The following PDE1C variants were observed in gnomAD, a reference collection of about 807,000 sequenced individuals.
The protein encoded by PDE1C is phosphodiesterase 1C, also known as dual specificity calcium/calmodulin-dependent 3',5'-cyclic nucleotide phosphodiesterase 1C.
PDE1C carries 62 observed loss-of-function variants against 93.1 expected under a neutral mutation model. That is an observed-to-expected ratio of 0.67 (90% CI 0.54 to 0.82). PDE1C has a LOEUF of 0.82. Ranked by LOEUF, PDE1C falls within the 40% of genes least tolerant of loss-of-function variation. PDE1C has a pLI of 0.00. For missense variants in PDE1C, 742 were observed against 884.6 expected (o/e 0.84, Z 2.04); for synonymous variants, 325 against 310.1 (o/e 1.05, Z -0.50).
intron 1 of PDE1C, among the ~76,000 whole-genome samples, chr7:32,240,122 C>T (rs985990705): frequency 6.6e-6 from 1 of 152,168 alleles, no homozygotes; most frequent in Non-Finnish European, 1.5e-5. Flanking sequence ...CTGTTTGTTA[C>T]GGCAGCATAA....
intron 1 of PDE1C, among the ~76,000 whole-genome samples, chr7:32,226,877 GCCAAC>G (rs905044816): frequency 6.6e-6 from 1 of 152,144 alleles, no homozygotes; most frequent in African/African-American, 2.4e-5. Flanking sequence ...CAGCTCCCCA[GCCAAC>G]ACTGCAGCTC....
chr7:31,692,972 T>A, the PDE1C span, among the ~76,000 whole-genome samples: 1 of 152,226 alleles, frequency 6.6e-6, no homozygotes, highest in Non-Finnish European at 1.5e-5. Flanking sequence ...TTATTGTCAA[T>A]CTGTTTCCTT....
chr7:32,077,617 G>C (rs1449348646), intron 3 of PDE1C, among the ~76,000 whole-genome samples: 1 of 151,888 alleles, frequency 6.6e-6, no homozygotes, highest in Non-Finnish European at 1.5e-5. Flanking sequence ...TGTTGCCCAG[G>C]CTGGAGTGCA....
At chr7:32,219,274 C>T (rs1806661416) in intron 1 of PDE1C, among the ~76,000 whole-genome samples, 1 of 151,958 alleles carries the variant, frequency 6.6e-6, no homozygotes, top group Non-Finnish European at 1.5e-5. Flanking sequence ...TGGAGTCTGC[C>T]CAGGGAGAGG....
the PDE1C span, chr7:31,642,938 C>T: frequency 6.2e-7 from 1 of 1,614,030 alleles, no homozygotes; most frequent in Non-Finnish European, 8.5e-7. Flanking sequence ...CCAGACATGG[C>T]CTGTGCCAAG....
chr7:32,158,510 A>T (rs1801713570), intron 3 of PDE1C, among the ~76,000 whole-genome samples: 2 of 152,224 alleles, frequency 1.3e-5, no homozygotes, highest in African/African-American at 4.8e-5. Context: ...TACAGCATTT[A>T]GAAGGATGTA....
chr7:31,627,001 T>A, the PDE1C span, among the ~76,000 whole-genome samples: 1 of 152,262 alleles, frequency 6.6e-6, no homozygotes, highest in Non-Finnish European at 1.5e-5. Context: ...GCCTTATGAA[T>A]TATGTATGTC....
chr7:32,205,840 C>T (rs572504607), intron 2 of PDE1C, among the ~76,000 whole-genome samples: 1 of 152,296 alleles, frequency 6.6e-6, no homozygotes, highest in Non-Finnish European at 1.5e-5. Context: ...TCTGCAGCTT[C>T]ACCCCTGGAG....
At chr7:31,772,658 G>A (rs1189890051) in intron 17 of PDE1C, among the ~76,000 whole-genome samples, 1 of 152,098 alleles carries the variant, frequency 6.6e-6, no homozygotes, top group Non-Finnish European at 1.5e-5. Context: ...CAACCATCTT[G>A]ACCGGAATTC....
At chr7:32,079,923 A>C (rs1245124647) in intron 3 of PDE1C, among the ~76,000 whole-genome samples, 1 of 152,174 alleles carries the variant, frequency 6.6e-6, no homozygotes, top group Non-Finnish European at 1.5e-5. Flanking sequence ...AGATACTTGC[A>C]GCCATCTTTA....
intron 1 of PDE1C, among the ~76,000 whole-genome samples, chr7:32,244,319 A>C (rs1808757340): frequency 6.6e-6 from 1 of 152,208 alleles, no homozygotes. Context: ...ACAAGAGCCC[A>C]GACTGGTTCT....
intron 2 of PDE1C, among the ~76,000 whole-genome samples, chr7:31,996,248 G>A (rs1030678853): frequency 4.6e-5 from 7 of 152,060 alleles, no homozygotes; most frequent in Non-Finnish European, 7.4e-5. Context: ...CCTGGATGGA[G>A]CAAAGTTTTC....
chr7:31,837,325 C>T (rs1791243433), intron 10 of PDE1C, 25 bp from the exon 11 acceptor site: 2 of 1,589,968 alleles, frequency 1.3e-6, no homozygotes, highest in Non-Finnish European at 1.7e-6. Context: ...CACCCAAACA[C>T]ATGATAACCA....
intron 3 of PDE1C, among the ~76,000 whole-genome samples, chr7:32,137,793 C>T (rs1410389045): frequency 6.6e-6 from 1 of 152,140 alleles, no homozygotes; most frequent in Non-Finnish European, 1.5e-5. Flanking sequence ...TTCAATTCCC[C>T]ATCCCCTCCT....
chr7:31,644,133 C>T, the PDE1C span, among the ~76,000 whole-genome samples: 1 of 152,110 alleles, frequency 6.6e-6, no homozygotes, highest in African/African-American at 2.4e-5. Context: ...CATTTCTTCT[C>T]GATACTTCCA....
intron 3 of PDE1C, among the ~76,000 whole-genome samples, chr7:32,130,649 T>G (rs963197446): frequency 3.3e-5 from 5 of 152,072 alleles, no homozygotes; most frequent in African/African-American, 1.2e-4. Context: ...ACTCTTCTTG[T>G]CCCTGTAGTA....
intron 2 of PDE1C, among the ~76,000 whole-genome samples, chr7:32,207,992 T>C (rs1805725218): frequency 6.6e-6 from 1 of 152,180 alleles, no homozygotes; most frequent in South Asian, 2.1e-4. Flanking sequence ...AAAAATGGGA[T>C]AAAAGCATAT....
chr7:31,888,504 A>T (rs1798245840), intron 2 of PDE1C, among the ~76,000 whole-genome samples: 1 of 152,080 alleles, frequency 6.6e-6, no homozygotes, highest in African/African-American at 2.4e-5. Flanking sequence ...GAAATGATAT[A>T]AATAACCAAT....
chr7:31,700,647 G>A, the PDE1C span, among the ~76,000 whole-genome samples: 2 of 152,150 alleles, frequency 1.3e-5, no homozygotes, highest in Non-Finnish European at 2.9e-5. Context: ...ATTCATAGCT[G>A]GAAAGGAGAT....
Sources: allele counts gnomAD v4.1 joint callset (sites outside exome capture counted in the v4.1 genomes callset), GRCh38; gene constraint gnomAD v4.1.1; transcripts MANE v1.5; gene names NCBI Gene and HGNC (gene_info 2026-07-23, HGNC 2026-07-21).